The following GZMB variants were observed in gnomAD, a reference collection of about 807,000 sequenced individuals.
GZMB encodes T-cell serine protease 1-3E.
Under a neutral mutation model 24.2 loss-of-function variants are expected in GZMB, and 27 were observed. That is an observed-to-expected ratio of 1.12 (90% CI 0.82 to 1.54). GZMB has a LOEUF of 1.54. GZMB is among the 40% of genes most tolerant of loss of function. The pLI is 0.00. For synonymous variants in GZMB, 121 were observed against 115.1 expected, an observed-to-expected ratio of 1.05 and a Z score of -0.33; for missense variants, 336 against 310.1, an observed-to-expected ratio of 1.08 and a Z score of -0.63.
chr14:24,631,241 G>T (rs768264909), intron 4 of GZMB, 27 bp from the exon 5 acceptor site: 3 of 1,604,510 alleles, frequency 1.9e-6, no homozygotes, highest in Non-Finnish European at 2.6e-6. Context: ...GAAGGACTGA[G>T]CTGATGCTCC....
Position 24,631,823 on chromosome 14 carries a change from C to T in GZMB, c.600+35G>A, listed in dbSNP as rs139517796. 2.3e-4 allele frequency: 366 copies of T among 1,597,736 alleles called. 1 individual carries two copies. In the African/African-American group the frequency reaches 4.4e-3, roughly 19 times the overall value. On this transcript the variant is annotated intron_variant, in intron 4 of 4. Coordinates refer to ENST00000216341, the MANE Select transcript of GZMB (RefSeq NM_004131.6). ...TCAGATATTCCCCAAACATCTTTCT[C>T]CCAAGAGCCAATCCAGGCAGGTGCA...
Position 24,631,720 on chromosome 14 carries a change from G to C in GZMB, c.600+138C>G. On this transcript the variant is annotated intron_variant, in intron 4 of 4. Coordinates refer to ENST00000216341, the MANE Select transcript of GZMB (RefSeq NM_004131.6). ...CCTAATTTCTCCCCAGCTCAGTCTAGTCCCCTCTTCTCTTTCCAGAGAGAA... is the reference window on the plus strand; with the variant it reads ...CCTAATTTCTCCCCAGCTCAGTCTACTCCCCTCTTCTCTTTCCAGAGAGAA... 7 of 768,524 alleles carry C rather than the reference G, an allele frequency of 9.1e-6. No individual in the cohort carries two copies. In the South Asian group the frequency reaches 1.2e-4, roughly 13 times the overall value. 47.6% of individuals were successfully genotyped at this position (768,524 alleles called of 1,614,324 possible).
In GZMB at chr14:24,633,137, C is replaced by A. The variant is rs2067013877; in HGVS notation, c.56-75G>T. On this transcript the variant is annotated intron_variant, in intron 1 of 4. Coordinates refer to ENST00000216341, the MANE Select transcript of GZMB (RefSeq NM_004131.6). ...GGGCACCTGCTTAGTGGCTCCAGAA[C>A]TCCTGGGCATTTGGGAGCCTGGGAT... 4.7e-6 allele frequency: 7 copies of A among 1,504,662 alleles called. No homozygotes were observed. In the Admixed American group the frequency reaches 1.1e-4, roughly 23 times the overall value. The allele number at this position is 1,504,662 out of a possible 1,614,324, so 93.2% of individuals were successfully genotyped here.
chr14:24,633,976 G>T (rs1200454318), intron 1 of GZMB, 130 bp downstream of exon 1: 1 of 822,896 alleles, frequency 1.2e-6, no homozygotes, highest in Middle Eastern at 2.2e-4. Context: ...CATCACACTT[G>T]GGGGGTCTTG....
At chr14:24,633,880 G>A (rs1047694717) in intron 1 of GZMB, 3 of 622,616 alleles carry the variant, frequency 4.8e-6, no homozygotes, top group Non-Finnish European at 8.7e-6. Context: ...AGGTGACAAA[G>A]GTGGGCTCTG....
In GZMB at chr14:24,632,972, C is replaced by A. The variant is rs200381701; in HGVS notation, c.146G>T (p.Cys49Phe). 174 of 1,613,876 alleles carry A rather than the reference C, an allele frequency of 1.1e-4. No individual in the cohort carries two copies. Among genetic ancestry groups the A allele is most frequent in the Non-Finnish European group, 1.5e-4 (172 of 1,179,940 alleles). Residue 49 changes from cysteine (C) to phenylalanine (F), a missense_variant, in exon 2 of 5, where the codon TGC becomes TTC. Cys to Phe is a radical substitution (Grantham distance 205). Coordinates refer to ENST00000216341, the MANE Select transcript of GZMB (RefSeq NM_004131.6). ...MIWDQKSLKR[C>F]GGFLIRDDFV... Reference sequence around the variant, plus strand: ...GTCGTCTCGTATCAGGAAGCCACCGCACCTCTTCAGAGACTTCTGATCCCA... The same window carrying A: ...GTCGTCTCGTATCAGGAAGCCACCGAACCTCTTCAGAGACTTCTGATCCCA...
intron 4 of GZMB, 182 bp downstream of exon 4, chr14:24,631,676 C>T (rs6573910): frequency 0.25 from 153,301 of 618,124 alleles, 19,892 homozygotes; most frequent in African/African-American, 0.35. Flanking sequence ...CATAAGCCTC[C>T]TGGTAAGTTT....
chr14:24,631,561 C>A (rs112273185), intron 4 of GZMB: 24 of 553,194 alleles, frequency 4.3e-5, no homozygotes, highest in African/African-American at 3.2e-4. Context: ...TGAAGACACA[C>A]CTGGTTATAA....
In GZMB at chr14:24,632,296, G is replaced by A. The variant is rs751514525; in HGVS notation, c.339+28C>T. ...GGAGTGGAACCAACTGGACCAAGAA[G>A]AGCAAGAGTGGCAGGAGTGTGCCTC... On this transcript the variant is annotated intron_variant, in intron 3 of 4. Coordinates refer to ENST00000216341, the MANE Select transcript of GZMB (RefSeq NM_004131.6). 1.1e-5 allele frequency: 18 copies of A among 1,594,388 alleles called. 1 individual carries two copies. In the South Asian group the frequency reaches 1.5e-4, roughly 13 times the overall value.
Position 24,631,582 on chromosome 14 carries a change from C to T in GZMB, c.600+276G>A. 6 of 566,060 alleles carry T rather than the reference C, an allele frequency of 1.1e-5. No individual in the cohort carries two copies. The South Asian group carries it at 1.4e-4, about 13-fold the overall frequency. The allele number at this position is 566,060 out of a possible 1,614,324, so 35.1% of individuals were successfully genotyped here. The stretch of plus-strand genomic sequence containing the variant: ...CACACCTGGTTATAATTACTGCACC[C>T]CCAGTGGGCACAGTTTCCTAATATC... On this transcript the variant is annotated intron_variant, in intron 4 of 4. Transcript: ENST00000216341.
chr14:24,633,823 T>C, intron 1 of GZMB: 1 of 499,140 alleles, frequency 2.0e-6, no homozygotes, highest in Non-Finnish European at 3.7e-6. Flanking sequence ...TTCTCTTTTC[T>C]AGTTTCCCAT....
At chr14:24,633,841 C>A in intron 1 of GZMB, 1 of 539,692 alleles carries the variant, frequency 1.9e-6, no homozygotes, top group Non-Finnish European at 3.3e-6. Flanking sequence ...CATCCTCTGC[C>A]ATTTACTTCT....
At position 24,632,457 on chromosome 14, in the gene GZMB, G is replaced by A. The variant is rs1296822455; in HGVS notation, c.206C>T (p.Ser69Phe). The A allele has an allele frequency of 8.1e-6, 13 of 1,613,368 alleles. No individual in the cohort carries two copies. Among genetic ancestry groups the A allele is most frequent in the Non-Finnish European group, 1.1e-5 (13 of 1,179,660 alleles). ...VLTAAHCWGS[S>F]INVTLGAHNI... ...GTGGGCCCCCAAGGTGACATTTATGGAGCTGCACAGAGAGCAGAGTGAGGA... is the reference window on the plus strand; with the variant it reads ...GTGGGCCCCCAAGGTGACATTTATGAAGCTGCACAGAGAGCAGAGTGAGGA... The change falls in exon 3 of 5, where the codon TCC becomes TTC. Residue 69 changes from serine to phenylalanine, a missense_variant and splice_region_variant. Coordinates refer to ENST00000216341, the MANE Select transcript of GZMB (RefSeq NM_004131.6).
intron 4 of GZMB, chr14:24,631,487 G>A: frequency 1.8e-6 from 1 of 545,916 alleles, no homozygotes; most frequent in South Asian, 2.5e-5. Context: ...ACCCAGAAGT[G>A]GGCAAGGAGG....
At chr14:24,633,202 T>C (rs1166732674) in intron 1 of GZMB, 140 bp from the exon 2 acceptor site, 2 of 1,444,282 alleles carry the variant, frequency 1.4e-6, no homozygotes, top group African/African-American at 2.8e-5. Flanking sequence ...GGGGCTTCAA[T>C]TTCCTGCTCT....
At chr14:24,631,432 C>A in intron 4 of GZMB, 1 of 574,998 alleles carries the variant, frequency 1.7e-6, no homozygotes. Flanking sequence ...TCATGTCCCC[C>A]AGATCCTGAG....
intron 1 of GZMB, chr14:24,633,817 CT>C (rs1189170698): frequency 4.2e-6 from 2 of 478,724 alleles, no homozygotes; most frequent in African/African-American, 3.9e-5. Context: ...TAATATTTCT[CT>C]TTTCTAGTTT....
In GZMB at chr14:24,634,181, G is replaced by A. The variant is rs757119450; in HGVS notation, c.-21C>T. ...TGCATCTTCTCAGGAAGGCTGCCCT[G>A]GTTGGAGCTGCTGTTGTTTCCTCCT... On this transcript the variant is annotated 5_prime_UTR_variant, in exon 1 of 5. Transcript: ENST00000216341. The A allele has an allele frequency of 2.5e-6, 4 of 1,578,924 alleles. No homozygotes were observed. The East Asian group carries it at 6.8e-5, about 27-fold the overall frequency.
intron 4 of GZMB, 117 bp downstream of exon 4, chr14:24,631,741 G>C (rs924199988): frequency 1.2e-6 from 1 of 869,448 alleles, no homozygotes; most frequent in African/African-American, 1.7e-5. Context: ...TCTTTCCAGA[G>C]AGAAATATCA....
Sources: allele counts gnomAD v4.1 joint callset, GRCh38; gene constraint gnomAD v4.1.1; transcripts MANE v1.5; gene names NCBI Gene and HGNC (gene_info 2026-07-23, HGNC 2026-07-21).